Variants in FHL2 observed in about 807,000 individuals in gnomAD.
FHL2 encodes four and a half LIM domains protein 2.
Under a neutral mutation model 32.7 loss-of-function variants are expected in FHL2, and 20 were observed. That is an observed-to-expected ratio of 0.61 (90% CI 0.43 to 0.89). The LOEUF (loss-of-function observed/expected upper bound fraction) is 0.89. Among genes scored for constraint, FHL2 ranks in the 40% least tolerant of loss-of-function variants. The probability of loss-of-function intolerance (pLI) is 0.00; values close to 1 mark genes in which losing one functional copy is unlikely to be tolerated. For synonymous variants in FHL2, 123 were observed against 128.1 expected (o/e 0.96, Z 0.27); for missense variants, 311 against 358.6 (o/e 0.87, Z 1.07).
chr2:105,398,460 G>T (rs1683291685), intron 1 of FHL2, among the ~76,000 whole-genome samples: 1 of 152,212 alleles, frequency 6.6e-6, no homozygotes, highest in Admixed American at 6.5e-5. Context: ...AGGACAGCCC[G>T]CTCGGGAGTC....
chr2:105,400,595 T>C (rs1411064785), upstream of FHL2, among the ~76,000 whole-genome samples: 1 of 152,230 alleles, frequency 6.6e-6, no homozygotes, highest in Non-Finnish European at 1.5e-5. Flanking sequence ...ATGGTGAGTC[T>C]TAAGCTTCAG....
At chr2:105,395,577 C>G (rs1339613904) in intron 2 of FHL2, among the ~76,000 whole-genome samples, 3 of 152,200 alleles carry the variant, frequency 2.0e-5, no homozygotes, top group Admixed American at 6.5e-5. Context: ...CTCTGGCGCA[C>G]TGCAACAGGA....
At chr2:105,438,404 G>T in exon 1 of FHL2, 1 of 985,582 alleles carries the variant, frequency 1.0e-6, no homozygotes, top group Non-Finnish European at 1.2e-6. Context: ...CTTACCTGTG[G>T]TTTTAGGGTT....
At chr2:105,363,513 G>T in intron 5 of FHL2, 42 bp from the exon 6 acceptor site, 1 of 1,536,800 alleles carries the variant, frequency 6.5e-7, no homozygotes, top group South Asian at 1.2e-5. Context: ...CTCTGTGCTT[G>T]GCAGACATCT....
chr2:105,374,237 T>C (rs1028625258), intron 3 of FHL2: 57 of 177,966 alleles, frequency 3.2e-4, no homozygotes, highest in Middle Eastern at 2.6e-3. Context: ...CAGGAGAGAC[T>C]GTGTGTGTGG....
At chr2:105,399,248 C>G, upstream of FHL2, 1 of 1,535,288 alleles carries the variant, frequency 6.5e-7, no homozygotes, top group Non-Finnish European at 8.7e-7. Flanking sequence ...CTCCTTTCTT[C>G]GTGCCCTCCG....
chr2:105,413,326 C>A (rs936637888), intron 1 of FHL2, among the ~76,000 whole-genome samples: 1 of 152,132 alleles, frequency 6.6e-6, no homozygotes, highest in Non-Finnish European at 1.5e-5. Context: ...AGCCTGATTT[C>A]TTTTTCTAGT....
intron 3 of FHL2, 88 bp downstream of exon 3, chr2:105,386,273 T>G (rs1682303635): frequency 6.8e-7 from 1 of 1,468,444 alleles, no homozygotes; most frequent in Admixed American, 1.9e-5. Context: ...CAGACTTCAG[T>G]GGTGGATCAG....
intron 2 of FHL2, 73 bp downstream of exon 2, chr2:105,396,574 T>G: frequency 7.3e-7 from 1 of 1,373,892 alleles, no homozygotes; most frequent in Non-Finnish European, 1.0e-6. Flanking sequence ...AGTTGACACA[T>G]GAAAGTAACC....
intron 1 of FHL2, among the ~76,000 whole-genome samples, chr2:105,435,627 GC>G (rs11348353): frequency 0.028 from 4,257 of 152,112 alleles, 141 homozygotes; most frequent in African/African-American, 0.08. Flanking sequence ...TTCATGACCA[GC>G]CTGGCCAACA....
intron 4 of FHL2, among the ~76,000 whole-genome samples, chr2:105,371,874 G>A (rs146531177): frequency 4.9e-3 from 740 of 152,276 alleles, no homozygotes; most frequent in Non-Finnish European, 8.3e-3. Flanking sequence ...CTGTGGGGCA[G>A]GACACAGGTC....
chr2:105,411,067 G>A (rs753247118), intron 1 of FHL2, among the ~76,000 whole-genome samples: 6 of 152,128 alleles, frequency 3.9e-5, no homozygotes, highest in Non-Finnish European at 8.8e-5. Context: ...AGGGGAGAGG[G>A]AAACAGTAAT....
intron 3 of FHL2, chr2:105,375,146 T>C (rs1030558450): frequency 1.3e-5 from 2 of 152,288 alleles, no homozygotes; most frequent in African/African-American, 4.8e-5. Flanking sequence ...TGTGTGTGTG[T>C]GTGTGTGTGT....
chr2:105,425,497 G>T (rs1003802571), intron 1 of FHL2, among the ~76,000 whole-genome samples: 5 of 149,778 alleles, frequency 3.3e-5, no homozygotes, highest in Admixed American at 1.3e-4. Context: ...TGCTGAGGTG[G>T]ATTAGTAAAA....
intron 3 of FHL2, among the ~76,000 whole-genome samples, chr2:105,381,123 A>G (rs1325222563): frequency 6.6e-6 from 1 of 152,054 alleles, no homozygotes; most frequent in Admixed American, 6.6e-5. Context: ...TTCGCACCCC[A>G]TTCCACCAGG....
At chr2:105,398,699 C>A in intron 1 of FHL2, 143 bp downstream of exon 1, 1 of 576,702 alleles carries the variant, frequency 1.7e-6, no homozygotes, top group Non-Finnish European at 2.7e-6. Context: ...CCCGTGGTCT[C>A]CCCACCCCCA....
chr2:105,409,997 A>G (rs775306278), intron 1 of FHL2, among the ~76,000 whole-genome samples: 17 of 152,242 alleles, frequency 1.1e-4, no homozygotes, highest in Non-Finnish European at 2.2e-4. Flanking sequence ...CCCACTTACC[A>G]GGCTGAGCTG....
At chr2:105,409,313 C>T (rs1683726933) in intron 1 of FHL2, among the ~76,000 whole-genome samples, 1 of 152,170 alleles carries the variant, frequency 6.6e-6, no homozygotes, top group African/African-American at 2.4e-5. Context: ...GGGTGTAATT[C>T]ACCTGCTGAT....
intron 1 of FHL2, among the ~76,000 whole-genome samples, chr2:105,413,772 G>A (rs1425741644): frequency 1.3e-5 from 2 of 152,248 alleles, no homozygotes; most frequent in East Asian, 1.9e-4. Context: ...GAGCCATCAC[G>A]CCCAACCCCA....
Sources: gnomAD v4.1 joint callset for allele counts (sites outside exome capture counted in the v4.1 genomes callset) on GRCh38, gnomAD v4.1.1 for gene constraint, MANE v1.5 for transcripts, NCBI Gene and HGNC (gene_info 2026-07-23, HGNC 2026-07-21) for gene names.